Variants in TSHR observed in about 807,000 individuals in gnomAD.
The protein encoded by TSHR is thyrotropin receptor.
Under a neutral mutation model 64.1 loss-of-function variants are expected in TSHR, and 51 were observed. That is an observed-to-expected ratio of 0.80 (90% confidence interval 0.64 to 1.01). TSHR has a LOEUF of 1.01. Among genes scored for constraint, TSHR ranks in the 50% least tolerant of loss-of-function variants. TSHR has a pLI of 0.00. For missense variants in TSHR, 877 were observed against 942.8 expected (o/e 0.93, Z 0.91); for synonymous variants, 361 against 361.9 (o/e 1.00, Z 0.03).
At chr14:81,067,059 T>C (rs771027516) in intron 2 of TSHR, among the ~76,000 whole-genome samples, 4 of 152,194 alleles carry the variant, frequency 2.6e-5, no homozygotes, top group Non-Finnish European at 5.9e-5. Context: ...ACTTTTTGCT[T>C]ACAAAGTTTA....
rs566351229 is a variant in TSHR, at chr14:81,122,785, G to A, written c.692+14333G>A. Among the ~76,000 whole-genome samples, 25 of 152,272 alleles carry A rather than the reference G, an allele frequency of 1.6e-4. No homozygotes were observed. In the South Asian group the frequency reaches 5.2e-3, roughly 32 times the overall value. ...GAAGGGCTGCCTCTTGTATTAACAAGCTTCCAGTATAATTTGCTTTTTAAA... is the reference window on the plus strand; with the variant it reads ...GAAGGGCTGCCTCTTGTATTAACAAACTTCCAGTATAATTTGCTTTTTAAA... On this transcript the variant is annotated intron_variant, in intron 8 of 9. Transcript: ENST00000298171.
chr14:81,034,184 C>G lies in TSHR; in HGVS notation c.171-27964C>G, dbSNP rs77221592. Among the ~76,000 whole-genome samples the G allele has an allele frequency of 3.1e-4, 47 of 152,348 alleles. 1 individual carries two copies. In the Middle Eastern group the frequency reaches 0.01, roughly 33 times the overall value. Reference sequence around the variant, plus strand: ...ACTTTTCCTTGTTATGGGTCATGCTCTAGCCTTGGTCATCCACCCTCTCTT... The same window carrying G: ...ACTTTTCCTTGTTATGGGTCATGCTGTAGCCTTGGTCATCCACCCTCTCTT... On this transcript the variant is annotated intron_variant, in intron 1 of 9. Coordinates refer to ENST00000298171, the MANE Select transcript of TSHR (RefSeq NM_000369.5).
chr14:81,126,712 G>A lies in TSHR; in HGVS notation c.693-12967G>A, dbSNP rs113921371. Among the ~76,000 whole-genome samples the A allele has an allele frequency of 7.4e-3, 1,132 of 152,236 alleles. 13 individuals carry two copies. Among genetic ancestry groups the A allele is most frequent in the Non-Finnish European group, 0.011 (777 of 68,020 alleles). Reference sequence around the variant, plus strand: ...ATTATCCCTCTTTAGCCAGGAGCTCGTAACAGTAAAGAATCTGAAGTTTGT... The same window carrying A: ...ATTATCCCTCTTTAGCCAGGAGCTCATAACAGTAAAGAATCTGAAGTTTGT... On this transcript the variant is annotated intron_variant, in intron 8 of 9. Coordinates refer to ENST00000298171, the MANE Select transcript of TSHR (RefSeq NM_000369.5).
chr14:81,006,318 A>T (rs970934403), intron 1 of TSHR, among the ~76,000 whole-genome samples: 12 of 152,070 alleles, frequency 7.9e-5, no homozygotes, highest in African/African-American at 2.9e-4. Flanking sequence ...CAAGGTGTAG[A>T]CCAAGATCAA....
At chr14:81,132,977 C>T (rs1392601269) in intron 8 of TSHR, among the ~76,000 whole-genome samples, 1 of 152,124 alleles carries the variant, frequency 6.6e-6, no homozygotes, top group Non-Finnish European at 1.5e-5. Context: ...AATACAGCCT[C>T]AAATAACTTA....
chr14:80,956,253 T>G (rs902144591), intron 1 of TSHR, among the ~76,000 whole-genome samples: 1 of 152,214 alleles, frequency 6.6e-6, no homozygotes, highest in African/African-American at 2.4e-5. Flanking sequence ...AAAATATGTA[T>G]TTCTCCTTTT....
chr14:81,051,889 T>C (rs1885453810), intron 1 of TSHR: 1 of 152,158 alleles, frequency 6.6e-6, no homozygotes, highest in African/African-American at 2.4e-5. Flanking sequence ...CGAGTATATG[T>C]TTTATTGAGT....
intron 1 of TSHR, among the ~76,000 whole-genome samples, chr14:81,011,029 G>A (rs1430682015): frequency 1.3e-5 from 2 of 152,104 alleles, no homozygotes; most frequent in Non-Finnish European, 2.9e-5. Context: ...GTATCTTACT[G>A]TCGCTCTCTT....
rs1355837462 is a variant in TSHR at position 80,978,332 on chromosome 14, A to G, written c.170+22482A>G. Reference sequence around the variant, plus strand: ...GGAAGTGATCTGCTCCCAAAACCTCATTTTACCTCCTGCTTTCTCAGACCA... The same window carrying G: ...GGAAGTGATCTGCTCCCAAAACCTCGTTTTACCTCCTGCTTTCTCAGACCA... On this transcript the variant is annotated intron_variant, in intron 1 of 9. Coordinates refer to ENST00000298171, the MANE Select transcript of TSHR (RefSeq NM_000369.5). Among the ~76,000 whole-genome samples the G allele has an allele frequency of 2.0e-5, 3 of 152,020 alleles. No individual in the cohort carries two copies. In the East Asian group the frequency reaches 5.8e-4, roughly 29 times the overall value.
intron 1 of TSHR, among the ~76,000 whole-genome samples, chr14:80,987,128 A>C (rs1006154284): frequency 3.9e-5 from 6 of 152,244 alleles, no homozygotes; most frequent in African/African-American, 1.4e-4. Flanking sequence ...GAAAAAAAGG[A>C]AACAGTAATA....
intron 1 of TSHR, among the ~76,000 whole-genome samples, chr14:81,008,242 G>A (rs904978051): frequency 1.3e-5 from 2 of 150,700 alleles, no homozygotes; most frequent in South Asian, 4.2e-4. Context: ...GCATGATCTC[G>A]GCTCACTGCA....
chr14:81,090,756 C>T (rs1031506732), intron 4 of TSHR, among the ~76,000 whole-genome samples: 10 of 152,166 alleles, frequency 6.6e-5, no homozygotes, highest in African/African-American at 2.4e-4. Context: ...ATCACACACA[C>T]ACACACACGA....
intron 6 of TSHR, chr14:81,094,126 A>G (rs1888974405): frequency 6.6e-6 from 1 of 152,182 alleles, no homozygotes; most frequent in South Asian, 2.1e-4. Flanking sequence ...TTATTTCTAC[A>G]TTTTGGCAAA....
intron 1 of TSHR, among the ~76,000 whole-genome samples, chr14:80,985,255 A>G (rs1184888540): frequency 3.3e-5 from 5 of 152,220 alleles, no homozygotes; most frequent in Non-Finnish European, 5.9e-5. Flanking sequence ...GTCTCAAAAA[A>G]CAAACCAAAA....
chr14:81,035,547 G>A (rs1329694486), intron 1 of TSHR, among the ~76,000 whole-genome samples: 1 of 152,182 alleles, frequency 6.6e-6, no homozygotes, highest in Non-Finnish European at 1.5e-5. Flanking sequence ...TGTCCTCAAG[G>A]ATAGAACTTC....
chr14:81,031,987 A>T (rs1248069147), intron 1 of TSHR, among the ~76,000 whole-genome samples: 1 of 152,236 alleles, frequency 6.6e-6, no homozygotes, highest in Non-Finnish European at 1.5e-5. Context: ...CACAAGAAAC[A>T]CGACACTGCC....
intron 1 of TSHR, among the ~76,000 whole-genome samples, chr14:81,028,456 A>C (rs1006058500): frequency 6.6e-6 from 1 of 152,128 alleles, no homozygotes; most frequent in African/African-American, 2.4e-5. Context: ...AGAAAAAAAA[A>C]TCTATCAAGA....
intron 1 of TSHR, among the ~76,000 whole-genome samples, chr14:81,044,016 A>G (rs1885045799): frequency 6.6e-6 from 1 of 152,242 alleles, no homozygotes; most frequent in African/African-American, 2.4e-5. Context: ...CATTCAGGAC[A>G]TATGCACAGG....
rs1286980754 is a variant in TSHR, at chr14:81,144,863, T to G, written c.*510T>G. The G allele has an allele frequency of 8.4e-6, 2 of 238,476 alleles. No individual in the cohort carries two copies. Among genetic ancestry groups the G allele is most frequent in the Non-Finnish European group, 1.6e-5 (2 of 121,528 alleles). 14.8% of individuals were successfully genotyped at this position (238,476 alleles called of 1,614,324 possible). On this transcript the variant is annotated 3_prime_UTR_variant, in exon 10 of 10. Transcript: ENST00000298171. ...AACTGAAAAGCCAAACACAGCTAGC[T>G]GTCATACAAGAAACAGCTATTATGA...
Sources: allele counts gnomAD v4.1 joint callset (sites outside exome capture counted in the v4.1 genomes callset), GRCh38; gene constraint gnomAD v4.1.1; transcripts MANE v1.5; gene names NCBI Gene and HGNC (gene_info 2026-07-23, HGNC 2026-07-21).